The following DIAPH3 variants were observed in gnomAD, a reference collection of about 807,000 sequenced individuals.
The protein encoded by DIAPH3 is protein diaphanous homolog 3.
A neutral mutation model predicts 144.3 loss-of-function variants in DIAPH3; 117 were observed. The observed-to-expected ratio is 0.81, with a 90% CI of 0.70 to 0.95. The LOEUF is 0.95. DIAPH3 is among the 40% of genes least tolerant of loss of function. DIAPH3 has a pLI of 0.00. For synonymous variants in DIAPH3, 519 were observed against 488.9 expected (o/e 1.06, Z -0.81); for missense variants, 1,421 against 1,412.7 (o/e 1.01, Z -0.09).
chr13:60,031,760 T>TTTC (rs60262238), intron 5 of DIAPH3, among the ~76,000 whole-genome samples: 2 of 142,208 alleles, frequency 1.4e-5, no homozygotes, highest in Non-Finnish European at 3.1e-5. Context: ...TTTTTTTTTT[T>TTTC]GAGATGGGGT....
At chr13:59,712,615 C>T (rs936738784) in intron 27 of DIAPH3, among the ~76,000 whole-genome samples, 3 of 152,328 alleles carry the variant, frequency 2.0e-5, no homozygotes, top group Admixed American at 6.5e-5. Context: ...ATTTATTCAG[C>T]TCTCACTTAA....
At chr13:59,921,559 T>C (rs1459993593) in intron 18 of DIAPH3, among the ~76,000 whole-genome samples, 1 of 151,852 alleles carries the variant, frequency 6.6e-6, no homozygotes, top group Non-Finnish European at 1.5e-5. Context: ...AATAAACCAA[T>C]AACCAGTAAG....
intron 23 of DIAPH3, among the ~76,000 whole-genome samples, chr13:59,834,189 A>AT (rs568488660): frequency 1.3e-5 from 2 of 151,668 alleles, no homozygotes. Context: ...AAACAATGAA[A>AT]TTTTTTTTCT....
rs568046126 is a variant in DIAPH3, at chr13:59,802,975, C to T, written c.3163+7813G>A. Among the ~76,000 whole-genome samples, 259 of 152,126 alleles carry T rather than the reference C, an allele frequency of 1.7e-3. 1 individual carries two copies. The highest frequency in any genetic ancestry group is 2.6e-3 in the Non-Finnish European group (174 of 67,986). ...CTGGGATTACAGGCGTGAGCCACCGCGCCCAGCCGATCTATATTATGAATC... is the reference window on the plus strand; with the variant it reads ...CTGGGATTACAGGCGTGAGCCACCGTGCCCAGCCGATCTATATTATGAATC... On this transcript the variant is annotated intron_variant, in intron 25 of 27. Transcript: ENST00000400324.
intron 15 of DIAPH3, among the ~76,000 whole-genome samples, chr13:59,973,699 C>T (rs2050516874): frequency 6.6e-6 from 1 of 152,106 alleles, no homozygotes; most frequent in Admixed American, 6.5e-5. Context: ...AGGAAAATAG[C>T]AAAACTATAC....
chr13:60,144,930 G>C (rs1364893732), intron 1 of DIAPH3: 3 of 152,154 alleles, frequency 2.0e-5, no homozygotes, highest in Non-Finnish European at 4.4e-5. Context: ...ATAGGGATCT[G>C]TTCCTTTAGA....
chr13:59,876,819 C>T (rs2044659031), intron 21 of DIAPH3, among the ~76,000 whole-genome samples: 1 of 152,138 alleles, frequency 6.6e-6, no homozygotes, highest in East Asian at 1.9e-4. Context: ...GACTGTAGTA[C>T]ATGTGTGGCT....
At chr13:60,111,888 C>G in intron 3 of DIAPH3, 122 bp downstream of exon 3, 1 of 948,132 alleles carries the variant, frequency 1.1e-6, no homozygotes, top group Non-Finnish European at 1.6e-6. Context: ...GAAGTGCTAT[C>G]TTAAGTGACA....
At chr13:60,156,580 G>A (rs1405946421) in intron 1 of DIAPH3, among the ~76,000 whole-genome samples, 2 of 151,986 alleles carry the variant, frequency 1.3e-5, no homozygotes, top group Non-Finnish European at 2.9e-5. Context: ...TCTTCCTTCA[G>A]TATACATCTA....
Position 59,799,375 on chromosome 13 carries a change from GCACACACACACACACACACACACA to G in DIAPH3, c.3163+11389_3163+11412del, listed in dbSNP as rs56979042. Reference sequence around the variant, plus strand: ...TCTCTACTGAAATTACTGGAAATATGCACACACACACACACACACACACACACACACACACACACACACACAGAA... The same window carrying G: ...TCTCTACTGAAATTACTGGAAATATGCACACACACACACACACACACAGAA... On this transcript the variant is annotated intron_variant, in intron 25 of 27. Transcript: ENST00000400324. 3.6e-5 allele frequency among the ~76,000 whole-genome samples: 5 copies of G among 139,248 alleles called. No homozygotes were observed. In the East Asian group the frequency reaches 8.5e-4, roughly 24 times the overall value. The allele number at this position is 139,248 out of a possible 152,430, so 91.4% of individuals were successfully genotyped here.
At chr13:59,783,382 T>C (rs916812164) in intron 25 of DIAPH3, among the ~76,000 whole-genome samples, 1 of 152,196 alleles carries the variant, frequency 6.6e-6, no homozygotes, top group African/African-American at 2.4e-5. Context: ...GAGTTGGATC[T>C]AGACAGGAGC....
intron 27 of DIAPH3, among the ~76,000 whole-genome samples, chr13:59,680,229 T>C (rs978727935): frequency 1.3e-5 from 2 of 152,182 alleles, no homozygotes; most frequent in Non-Finnish European, 2.9e-5. Context: ...AATAAAAACA[T>C]ACATTGTCAT....
chr13:60,080,748 G>C (rs1159886690), intron 4 of DIAPH3, among the ~76,000 whole-genome samples: 1 of 151,742 alleles, frequency 6.6e-6, no homozygotes, highest in Non-Finnish European at 1.5e-5. Context: ...GCAGACAAAT[G>C]AATTAACAAA....
intron 27 of DIAPH3, among the ~76,000 whole-genome samples, chr13:59,743,618 C>T: frequency 6.6e-6 from 1 of 152,220 alleles, no homozygotes; most frequent in Middle Eastern, 3.4e-3. Flanking sequence ...GAAAAAGTGG[C>T]ATATTATCTT....
At chr13:60,120,320 G>A (rs992982818) in intron 2 of DIAPH3, among the ~76,000 whole-genome samples, 2 of 152,168 alleles carry the variant, frequency 1.3e-5, no homozygotes, top group African/African-American at 4.8e-5. Context: ...ATGATAAGCT[G>A]AGGCCAGTTT....
chr13:59,957,417 G>T (rs1250176013), intron 17 of DIAPH3, among the ~76,000 whole-genome samples: 1 of 152,162 alleles, frequency 6.6e-6, no homozygotes, highest in African/African-American at 2.4e-5. Context: ...TCTCTTGCCT[G>T]CCACCATGTA....
At chr13:60,144,074 T>C (rs1456897035) in intron 1 of DIAPH3, among the ~76,000 whole-genome samples, 3 of 152,146 alleles carry the variant, frequency 2.0e-5, no homozygotes, top group African/African-American at 7.2e-5. Flanking sequence ...ATACCTCCTT[T>C]TCTGTTTGTA....
At chr13:59,972,507 G>A (rs1869737830) in intron 15 of DIAPH3, among the ~76,000 whole-genome samples, 1 of 152,052 alleles carries the variant, frequency 6.6e-6, no homozygotes, top group Non-Finnish European at 1.5e-5. Context: ...AATAGACCAT[G>A]TATAAAAGCT....
At chr13:59,802,673 T>TATTA (rs2039991682) in intron 25 of DIAPH3, among the ~76,000 whole-genome samples, 1 of 50,352 alleles carries the variant, frequency 2.0e-5, no homozygotes, top group African/African-American at 6.9e-5. Flanking sequence ...TATTATTTTT[T>TATTA]TTTTTTTTTT....
Sources: allele counts gnomAD v4.1 joint callset (sites outside exome capture counted in the v4.1 genomes callset), GRCh38; gene constraint gnomAD v4.1.1; transcripts MANE v1.5; gene names NCBI Gene and HGNC (gene_info 2026-07-23, HGNC 2026-07-21).